Variants in GALNT14 observed in about 807,000 individuals in gnomAD.
GALNT14 encodes UDP-GalNAc:polypeptide N-acetylgalactosaminyltransferase 14.
Under a neutral mutation model 77.5 loss-of-function variants are expected in GALNT14, and 60 were observed. The observed-to-expected ratio is 0.77, with a 90% CI of 0.63 to 0.96. GALNT14 has a LOEUF of 0.96. GALNT14 is among the 40% of genes least tolerant of loss of function. The pLI is 0.00. For missense variants in GALNT14, 710 were observed against 731.0 expected, an observed-to-expected ratio of 0.97 and a Z score of 0.33; for synonymous variants, 280 against 281.7, an observed-to-expected ratio of 0.99 and a Z score of 0.06.
At chr2:31,119,366 A>G (rs2148635488) in intron 1 of GALNT14, among the ~76,000 whole-genome samples, 1 of 152,354 alleles carries the variant, frequency 6.6e-6, no homozygotes, top group East Asian at 1.9e-4. Context: ...CTTGGCAACA[A>G]AAAGATAAAC....
intron 6 of GALNT14, among the ~76,000 whole-genome samples, chr2:30,951,803 G>T (rs1392062855): frequency 6.6e-6 from 1 of 152,214 alleles, no homozygotes; most frequent in African/African-American, 2.4e-5. Context: ...CTGGGTTCAG[G>T]TCTGAGTCTT....
chr2:30,995,649 T>C (rs1356605699), intron 1 of GALNT14, among the ~76,000 whole-genome samples: 1 of 152,148 alleles, frequency 6.6e-6, no homozygotes, highest in East Asian at 1.9e-4. Context: ...TGCACCACCA[T>C]GCCCAGCTCA....
the GALNT14 span, among the ~76,000 whole-genome samples, chr2:30,904,692 A>G: frequency 6.6e-6 from 1 of 152,268 alleles, no homozygotes; most frequent in Non-Finnish European, 1.5e-5. Context: ...GGAAGCTCGA[A>G]CTGGGCGGAG....
the GALNT14 span, among the ~76,000 whole-genome samples, chr2:30,904,283 T>C: frequency 6.6e-6 from 1 of 152,208 alleles, no homozygotes; most frequent in African/African-American, 2.4e-5. Context: ...GATTTCTGCA[T>C]TTCCATCTGA....
At chr2:31,043,104 C>A (rs925043954) in intron 1 of GALNT14, among the ~76,000 whole-genome samples, 31 of 152,180 alleles carry the variant, frequency 2.0e-4, no homozygotes, top group Non-Finnish European at 4.4e-4. Flanking sequence ...TCGTCAGATG[C>A]TCCAAGCACT....
chr2:30,978,735 G>A (rs750371214), intron 2 of GALNT14, among the ~76,000 whole-genome samples: 22 of 152,336 alleles, frequency 1.4e-4, no homozygotes, highest in South Asian at 2.1e-4. Flanking sequence ...TATTCACTCA[G>A]CTGATACTGA....
At chr2:31,059,222 T>C (rs930385221) in intron 1 of GALNT14, among the ~76,000 whole-genome samples, 5 of 152,246 alleles carry the variant, frequency 3.3e-5, no homozygotes, top group African/African-American at 1.2e-4. Flanking sequence ...CTTGTGGCTC[T>C]ACCCTCCTTG....
chr2:31,122,391 C>A (rs921152611), intron 1 of GALNT14, among the ~76,000 whole-genome samples: 1 of 152,222 alleles, frequency 6.6e-6, no homozygotes, highest in African/African-American at 2.4e-5. Flanking sequence ...GGAATGGGAG[C>A]TTGGAATCGC....
At chr2:30,932,689 G>A (rs374911140) in intron 9 of GALNT14, among the ~76,000 whole-genome samples, 12 of 152,206 alleles carry the variant, frequency 7.9e-5, no homozygotes, top group East Asian at 7.7e-4. Context: ...AGAAGACTCA[G>A]GACAGGCTAG....
intron 1 of GALNT14, among the ~76,000 whole-genome samples, chr2:31,070,968 C>T (rs1378230865): frequency 2.6e-5 from 4 of 152,120 alleles, no homozygotes; most frequent in African/African-American, 9.7e-5. Context: ...TTGTAGATTA[C>T]ACGGGATCAT....
At chr2:31,019,474 A>T (rs779890480) in intron 1 of GALNT14, among the ~76,000 whole-genome samples, 65 of 151,902 alleles carry the variant, frequency 4.3e-4, no homozygotes, top group Non-Finnish European at 7.2e-4. Context: ...TCTAATGACC[A>T]CTCTCTGAGA....
intron 1 of GALNT14, among the ~76,000 whole-genome samples, chr2:31,047,918 C>T (rs1673576757): frequency 6.6e-6 from 1 of 152,226 alleles, no homozygotes; most frequent in Non-Finnish European, 1.5e-5. Flanking sequence ...CGAAGCTGGC[C>T]CACCTTCCTT....
Position 31,138,148 on chromosome 2 carries a change from G to C in GALNT14, c.-62C>G, listed in dbSNP as rs1679314440. The C allele has an allele frequency of 6.2e-7, 1 of 1,610,034 alleles. No homozygotes were observed. Among genetic ancestry groups the C allele is most frequent in the Non-Finnish European group, 8.5e-7 (1 of 1,177,654 alleles). ...CCCGGGGGCACCCCCCGGCGGTCAG[G>C]GTTGGCGGGGCAGGAGTCCTGGCGA... On this transcript the variant is annotated 5_prime_UTR_variant, in exon 1 of 15. Coordinates refer to ENST00000349752, the MANE Select transcript of GALNT14 (RefSeq NM_024572.4).
intron 2 of GALNT14, among the ~76,000 whole-genome samples, chr2:30,980,740 G>A (rs1039294041): frequency 6.6e-6 from 1 of 152,220 alleles, no homozygotes; most frequent in African/African-American, 2.4e-5. Context: ...AAGGGCTACT[G>A]AGGACATGAG....
intron 6 of GALNT14, among the ~76,000 whole-genome samples, chr2:30,946,325 C>T (rs1348270128): frequency 2.0e-5 from 3 of 152,140 alleles, no homozygotes; most frequent in Admixed American, 2.0e-4. Flanking sequence ...GAGGTGGGGC[C>T]TGGTGGGAGG....
intron 1 of GALNT14, chr2:31,073,127 T>C (rs1329938243): frequency 1.3e-5 from 2 of 152,174 alleles, no homozygotes; most frequent in Admixed American, 1.3e-4. Flanking sequence ...GCTAACCAGC[T>C]GCGTGATCTT....
chr2:31,064,032 T>G lies in GALNT14; in HGVS notation c.130-71025A>C, dbSNP rs145413266. On this transcript the variant is annotated intron_variant, in intron 1 of 14. Coordinates refer to ENST00000349752, the MANE Select transcript of GALNT14 (RefSeq NM_024572.4). The stretch of plus-strand genomic sequence containing the variant: ...ATTTCATCCTGTTGGGCAGAGAGTT[T>G]GCTTTTGCAGATGGCAAAGAAGGAG... 6.4e-4 allele frequency among the ~76,000 whole-genome samples: 98 copies of G among 152,334 alleles called. 1 individual carries two copies. Among genetic ancestry groups the G allele is most frequent in the African/African-American group, 2.2e-3 (93 of 41,578 alleles).
intron 1 of GALNT14, among the ~76,000 whole-genome samples, chr2:31,116,928 C>T (rs976792923): frequency 6.6e-5 from 10 of 151,800 alleles, no homozygotes; most frequent in African/African-American, 2.2e-4. Flanking sequence ...TCCCAGCTAC[C>T]TGGGAGGCTG....
intron 9 of GALNT14, among the ~76,000 whole-genome samples, chr2:30,941,702 A>G (rs1386981993): frequency 1.3e-5 from 2 of 152,174 alleles, no homozygotes; most frequent in Non-Finnish European, 2.9e-5. Context: ...AAATATCCCC[A>G]GACCCTCCTC....
Sources: allele counts gnomAD v4.1 joint callset (sites outside exome capture counted in the v4.1 genomes callset), GRCh38; gene constraint gnomAD v4.1.1; transcripts MANE v1.5; gene names NCBI Gene and HGNC (gene_info 2026-07-23, HGNC 2026-07-21).